SNX18: variants seen among roughly 807,000 people sequenced by gnomAD.
SNX18 encodes the protein sorting nexin 18.
SNX18 carries 35 observed loss-of-function variants against 48.7 expected under a neutral mutation model. The ratio of observed to expected loss-of-function variants is 0.72; its 90% CI spans 0.55 to 0.95. SNX18 has a LOEUF of 0.95. SNX18 is among the 40% of genes least tolerant of loss of function. The probability of loss-of-function intolerance (pLI) is 0.00; values close to 1 mark genes in which losing one functional copy is unlikely to be tolerated. For missense variants in SNX18, 824 were observed against 871.0 expected (o/e 0.95, Z 0.68); for synonymous variants, 492 against 384.7 (o/e 1.28, Z -3.26).
chr5:54,583,187 G>C, the SNX18 span, among the ~76,000 whole-genome samples: 1 of 152,154 alleles, frequency 6.6e-6, no homozygotes, highest in South Asian at 2.1e-4. Flanking sequence ...ATGTTTCTCA[G>C]GCTGGTCTTG....
the SNX18 span, among the ~76,000 whole-genome samples, chr5:54,561,326 G>A: frequency 2.0e-5 from 3 of 147,562 alleles, no homozygotes; most frequent in South Asian, 2.2e-4. Flanking sequence ...CAGGCATGAG[G>A]CACTGCACCC....
At chr5:54,574,208 A>G in the SNX18 span, among the ~76,000 whole-genome samples, 1 of 152,342 alleles carries the variant, frequency 6.6e-6, no homozygotes, top group Non-Finnish European at 1.5e-5. Context: ...CTGGGACCTC[A>G]CAAGGCTGTG....
chr5:54,576,414 T>C, the SNX18 span, among the ~76,000 whole-genome samples: 2 of 152,182 alleles, frequency 1.3e-5, no homozygotes, highest in Admixed American at 1.3e-4. Flanking sequence ...TTGGATCCTT[T>C]TCAGCAGAGC....
At chr5:54,586,842 G>A in the SNX18 span, among the ~76,000 whole-genome samples, 7 of 152,264 alleles carry the variant, frequency 4.6e-5, no homozygotes, top group African/African-American at 1.7e-4. Context: ...AGGATGGAAG[G>A]AGCCCATGAT....
At chr5:54,636,074 GA>G in the SNX18 span, among the ~76,000 whole-genome samples, 1 of 152,126 alleles carries the variant, frequency 6.6e-6, no homozygotes, top group Non-Finnish European at 1.5e-5. Flanking sequence ...ACCAGCTTAG[GA>G]GAAAGGCTTA....
At chr5:54,588,328 T>C in the SNX18 span, among the ~76,000 whole-genome samples, 21 of 43,084 alleles carry the variant, frequency 4.9e-4, no homozygotes, top group Non-Finnish European at 7.8e-4. Flanking sequence ...TTTTTTTTTT[T>C]TTTTTTTTTT....
At chr5:54,597,337 G>T in the SNX18 span, among the ~76,000 whole-genome samples, 1 of 152,114 alleles carries the variant, frequency 6.6e-6, no homozygotes. Flanking sequence ...CATCGAGACA[G>T]AAAATTAACA....
the SNX18 span, among the ~76,000 whole-genome samples, chr5:54,642,183 G>C: frequency 1.3e-5 from 2 of 152,124 alleles, no homozygotes; most frequent in Non-Finnish European, 2.9e-5. Context: ...TTTTGTCCTT[G>C]GTCGGGTCAC....
At chr5:54,604,546 T>C in the SNX18 span, among the ~76,000 whole-genome samples, 42,228 of 152,150 alleles carry the variant, frequency 0.28, 6,826 homozygotes, top group Admixed American at 0.35. Flanking sequence ...TCCACTGATA[T>C]GAGGTAATTT....
Position 54,518,133 on chromosome 5 carries a change from G to C in SNX18, c.181G>C (p.Ala61Pro), listed in dbSNP as rs1228693575. Residue 61 changes from alanine to proline, a missense_variant, in exon 1 of 2, where the codon GCC (alanine) becomes CCC (proline). By Grantham distance (27) the Ala-to-Pro change is conservative. Coordinates refer to ENST00000381410, the MANE Select transcript of SNX18 (RefSeq NM_001102575.2). ...FPASYVQVIRAPEPGPAGDGG... is the reference protein window; with the variant it reads ...FPASYVQVIRPPEPGPAGDGG... ...GGCCTCCTATGTGCAGGTGATCCGC[G>C]CCCCCGAGCCTGGCCCGGCGGGAGA... The C allele has an allele frequency of 3.5e-6, 5 of 1,431,112 alleles. No homozygotes were observed. The South Asian group carries it at 7.1e-5, about 20-fold the overall frequency. The allele number at this position is 1,431,112 out of a possible 1,614,324, so 88.7% of individuals were successfully genotyped here. A position where few individuals can be genotyped will look rare whatever the true frequency, so the allele number is the denominator to read the frequency against.
the SNX18 span, among the ~76,000 whole-genome samples, chr5:54,572,750 GTGTGTATATATA>G: frequency 1.2e-4 from 5 of 41,468 alleles, no homozygotes; most frequent in Non-Finnish European, 1.5e-4. Context: ...GTGTGTGTGT[GTGTGTATATATA>G]TATATATATA....
At chr5:54,571,445 T>C in the SNX18 span, among the ~76,000 whole-genome samples, 1 of 152,234 alleles carries the variant, frequency 6.6e-6, no homozygotes, top group Non-Finnish European at 1.5e-5. Flanking sequence ...CTTTACCTGC[T>C]CTGGACACAA....
chr5:54,614,358 G>T, the SNX18 span, among the ~76,000 whole-genome samples: 1 of 152,160 alleles, frequency 6.6e-6, no homozygotes, highest in Non-Finnish European at 1.5e-5. Flanking sequence ...AGGCTCAGAA[G>T]CCTCAGAGCT....
rs1761922290 is a variant in SNX18, at chr5:54,518,404, A to G, written c.452A>G (p.Asp151Gly). 6.3e-7 allele frequency: 1 copy of G among 1,585,774 alleles called. No homozygotes were observed. The highest frequency in any genetic ancestry group is 8.6e-7 in the Non-Finnish European group (1 of 1,166,942). ...GGCTACCAGGCCAGCCAAGGCAGCG[A>G]TGATGACTGGGACGACGAGTGGGAC... ...YGGYQASQGS[D>G]DDWDDEWDDS... The change falls in exon 1 of 2, where the codon GAT becomes GGT. Residue 151 changes from aspartate (D) to glycine (G), a missense_variant. Around this residue, in one of 3 missense-constraint regions of SNX18, gnomAD observed 377 missense variants for 350.6 expected, o/e 1.08. Coordinates refer to ENST00000381410, the MANE Select transcript of SNX18 (RefSeq NM_001102575.2).
downstream of SNX18, among the ~76,000 whole-genome samples, chr5:54,546,929 A>T (rs1762584687): frequency 1.3e-5 from 2 of 152,254 alleles, no homozygotes; most frequent in Admixed American, 1.3e-4. Flanking sequence ...GTTGGTTGCC[A>T]TAAATAGGCG....
the SNX18 span, among the ~76,000 whole-genome samples, chr5:54,588,311 T>TTA: frequency 1.6e-4 from 1 of 6,308 alleles, no homozygotes; most frequent in Non-Finnish European, 2.8e-4. Flanking sequence ...CTATTCTTTT[T>TTA]TTTTTTTTTT....
chr5:54,554,372 G>T, the SNX18 span, among the ~76,000 whole-genome samples: 2 of 152,150 alleles, frequency 1.3e-5, no homozygotes, highest in Non-Finnish European at 2.9e-5. Context: ...TGTTTTAAAA[G>T]CTCCCCAGAT....
the SNX18 span, among the ~76,000 whole-genome samples, chr5:54,564,872 AAAAC>A: frequency 0.062 from 9,464 of 152,154 alleles, 380 homozygotes; most frequent in Middle Eastern, 0.1. Context: ...CAAACAAACA[AAAAC>A]AAACAAACAA....
the SNX18 span, among the ~76,000 whole-genome samples, chr5:54,630,590 T>C: frequency 6.6e-6 from 1 of 152,162 alleles, no homozygotes. Flanking sequence ...TCCCAGCACT[T>C]TGGGAAGCCA....
Sources: gnomAD v4.1 joint callset for allele counts (sites outside exome capture counted in the v4.1 genomes callset) on GRCh38, gnomAD v4.1.1 for gene constraint, gnomAD v4.1.1 regional missense constraint, MANE v1.5 for transcripts, NCBI Gene and HGNC (gene_info 2026-07-23, HGNC 2026-07-21) for gene names.